Variants in MAGI2 observed in about 807,000 individuals in gnomAD.
The protein encoded by MAGI2 is membrane-associated guanylate kinase, WW and PDZ domain-containing protein 2.
A neutral mutation model predicts 133.3 loss-of-function variants in MAGI2; 35 were observed. The ratio of observed to expected loss-of-function variants is 0.26; its 90% CI spans 0.20 to 0.35. The LOEUF is 0.35. MAGI2 is among the 10% of genes least tolerant of loss of function. The pLI, the probability that MAGI2 is intolerant of heterozygous loss-of-function variation, is 1.00. For synonymous variants in MAGI2, 729 were observed against 710.6 expected (o/e 1.03, Z -0.41); for missense variants, 1,636 against 1,863.4 (o/e 0.88, Z 2.25).
At chr7:78,753,516 G>C (rs1465050962) in intron 2 of MAGI2, among the ~76,000 whole-genome samples, 1 of 152,068 alleles carries the variant, frequency 6.6e-6, no homozygotes, top group Non-Finnish European at 1.5e-5. Flanking sequence ...GAGGGGAAGA[G>C]AGAAAGAATG....
At chr7:79,121,161 T>A (rs1443804619) in intron 1 of MAGI2, among the ~76,000 whole-genome samples, 2 of 152,160 alleles carry the variant, frequency 1.3e-5, no homozygotes, top group African/African-American at 4.8e-5. Context: ...TATTAAATAC[T>A]AGCTAATAAG....
chr7:78,516,033 C>T (rs543612550), intron 4 of MAGI2, among the ~76,000 whole-genome samples: 1 of 152,270 alleles, frequency 6.6e-6, no homozygotes, highest in Admixed American at 6.5e-5. Flanking sequence ...AATTGTATTA[C>T]TGTCATTCAG....
chr7:78,919,335 T>C (rs981381926), intron 2 of MAGI2, among the ~76,000 whole-genome samples: 2 of 152,064 alleles, frequency 1.3e-5, no homozygotes, highest in African/African-American at 4.8e-5. Context: ...ATCAGATCAA[T>C]AGAGGCTTGC....
At chr7:78,908,585 C>G (rs902149253) in intron 2 of MAGI2, among the ~76,000 whole-genome samples, 1 of 152,120 alleles carries the variant, frequency 6.6e-6, no homozygotes, top group Non-Finnish European at 1.5e-5. Flanking sequence ...TAAATAAGCT[C>G]ATTTGTGTAA....
At chr7:78,917,704 T>C (rs1047548084) in intron 2 of MAGI2, among the ~76,000 whole-genome samples, 2 of 152,116 alleles carry the variant, frequency 1.3e-5, no homozygotes, top group East Asian at 3.9e-4. Context: ...TTGCAAGTCA[T>C]GGGCCACTTA....
intron 6 of MAGI2, among the ~76,000 whole-genome samples, chr7:78,441,169 C>T (rs975413187): frequency 6.6e-6 from 1 of 152,164 alleles, no homozygotes; most frequent in African/African-American, 2.4e-5. Context: ...AATTTGGTCT[C>T]AAGCTGCCTT....
At chr7:78,866,594 T>C (rs1794575940) in intron 2 of MAGI2, among the ~76,000 whole-genome samples, 2 of 151,940 alleles carry the variant, frequency 1.3e-5, no homozygotes, top group African/African-American at 4.8e-5. Context: ...GTTTCCTGCT[T>C]ATCGGGGCTG....
At chr7:79,002,295 A>ATT (rs112154372) in intron 2 of MAGI2, among the ~76,000 whole-genome samples, 2 of 148,626 alleles carry the variant, frequency 1.3e-5, no homozygotes, top group Non-Finnish European at 3.0e-5. Flanking sequence ...CCAATTTTTA[A>ATT]TTTTTTTTTT....
intron 3 of MAGI2, among the ~76,000 whole-genome samples, chr7:78,591,516 T>C (rs747624008): frequency 2.0e-5 from 3 of 152,162 alleles, no homozygotes; most frequent in Non-Finnish European, 4.4e-5. Context: ...GTAAATGAGG[T>C]CAGGATGATA....
At chr7:78,201,425 G>C (rs1829241023) in intron 10 of MAGI2, among the ~76,000 whole-genome samples, 1 of 152,274 alleles carries the variant, frequency 6.6e-6, no homozygotes, top group South Asian at 2.1e-4. Flanking sequence ...AAGATGCTAA[G>C]GCACAGAGAA....
chr7:79,246,290 C>T (rs1832815196), intron 1 of MAGI2, among the ~76,000 whole-genome samples: 1 of 152,002 alleles, frequency 6.6e-6, no homozygotes, highest in Non-Finnish European at 1.5e-5. Flanking sequence ...CATGGCCTCA[C>T]CAAACAAACT....
intron 14 of MAGI2, 141 bp downstream of exon 14, chr7:78,177,870 G>GAA: frequency 1.9e-6 from 1 of 527,078 alleles, no homozygotes; most frequent in Admixed American, 3.4e-5. Context: ...AAACAGCAAG[G>GAA]AAAAAAAAAA....
intron 6 of MAGI2, among the ~76,000 whole-genome samples, chr7:78,399,583 T>A (rs1796662996): frequency 6.6e-6 from 1 of 152,026 alleles, no homozygotes; most frequent in Admixed American, 6.5e-5. Context: ...GGTGGGTGGA[T>A]CACTTGTGGT....
In MAGI2 at chr7:78,439,380, AAC is replaced by A. The variant is rs1787373273; in HGVS notation, c.1045+50379_1045+50380del. Among the ~76,000 whole-genome samples, 3 of 61,682 alleles carry A rather than the reference AAC, an allele frequency of 4.9e-5. No individual in the cohort carries two copies. The South Asian group carries it at 1.8e-3, about 36-fold the overall frequency. 40.5% of individuals were successfully genotyped at this position (61,682 alleles called of 152,430 possible). ...GGTGCCCAGAGTAATTACAGTGCCT[AAC>A]TGTGTAAATAGTAATTTTATGTACA... On this transcript the variant is annotated intron_variant, in intron 6 of 21. Coordinates refer to ENST00000354212, the MANE Select transcript of MAGI2 (RefSeq NM_012301.4).
chr7:78,746,516 T>C (rs1420393191), intron 2 of MAGI2, among the ~76,000 whole-genome samples: 4 of 152,174 alleles, frequency 2.6e-5, no homozygotes, highest in Admixed American at 2.6e-4. Flanking sequence ...TAAAATCTGA[T>C]GCCAAAGAAT....
intron 2 of MAGI2, among the ~76,000 whole-genome samples, chr7:78,887,358 A>C (rs966773697): frequency 6.6e-6 from 1 of 152,262 alleles, no homozygotes; most frequent in African/African-American, 2.4e-5. Context: ...CAAGTTCACC[A>C]GAGAACTTTC....
At chr7:78,103,946 T>G (rs530240511) in intron 20 of MAGI2, among the ~76,000 whole-genome samples, 1 of 152,332 alleles carries the variant, frequency 6.6e-6, no homozygotes, top group South Asian at 2.1e-4. Flanking sequence ...GTAAGAAAAC[T>G]GGCACTCCAA....
intron 6 of MAGI2, among the ~76,000 whole-genome samples, chr7:78,416,365 A>G (rs776368592): frequency 6.6e-6 from 1 of 151,828 alleles, no homozygotes; most frequent in Non-Finnish European, 1.5e-5. Context: ...TACATACTAA[A>G]TAGGTACAAT....
intron 2 of MAGI2, among the ~76,000 whole-genome samples, chr7:78,719,036 T>C (rs1819999764): frequency 6.6e-6 from 1 of 152,204 alleles, no homozygotes; most frequent in African/African-American, 2.4e-5. Context: ...AGACTTGGCA[T>C]TAGAAATGTT....
Sources: allele counts gnomAD v4.1 joint callset (sites outside exome capture counted in the v4.1 genomes callset), GRCh38; gene constraint gnomAD v4.1.1; transcripts MANE v1.5; gene names NCBI Gene and HGNC (gene_info 2026-07-23, HGNC 2026-07-21).